RGS6: variants seen among roughly 807,000 people sequenced by gnomAD.
RGS6 encodes the protein regulator of G-protein signaling 6.
In RGS6, 30 loss-of-function variants were observed where a neutral mutation model predicts 78.5. The ratio of observed to expected loss-of-function variants is 0.38; its 90% confidence interval spans 0.29 to 0.52. The LOEUF (loss-of-function observed/expected upper bound fraction) is 0.52, where lower values mean the gene tolerates loss of function less well. RGS6 is among the 20% of genes least tolerant of loss of function. The probability of loss-of-function intolerance (pLI) is 0.85; values close to 1 mark genes in which losing one functional copy is unlikely to be tolerated. For missense variants in RGS6, 495 were observed against 609.7 expected, an observed-to-expected ratio of 0.81 and a Z score of 1.98; for synonymous variants, 206 against 206.0, an observed-to-expected ratio of 1.00 and a Z score of 0.00.
intron 12 of RGS6, among the ~76,000 whole-genome samples, chr14:72,493,667 C>A (rs1209077441): frequency 6.6e-6 from 1 of 151,590 alleles, no homozygotes; most frequent in Non-Finnish European, 1.5e-5. Flanking sequence ...AACACTCTAG[C>A]AATAAAGAGA....
At chr14:72,358,334 C>T (rs1193860475) in intron 3 of RGS6, among the ~76,000 whole-genome samples, 1 of 152,208 alleles carries the variant, frequency 6.6e-6, no homozygotes, top group Non-Finnish European at 1.5e-5. Flanking sequence ...GTCCTCCAGA[C>T]TCCAGAATGG....
intron 2 of RGS6, among the ~76,000 whole-genome samples, chr14:72,021,277 C>T (rs1378352375): frequency 6.6e-6 from 1 of 152,064 alleles, no homozygotes; most frequent in African/African-American, 2.4e-5. Flanking sequence ...TACTTTATTT[C>T]TGAATTCCTG....
the RGS6 span, among the ~76,000 whole-genome samples, chr14:71,919,063 A>G: frequency 6.6e-6 from 1 of 152,126 alleles, no homozygotes; most frequent in Non-Finnish European, 1.5e-5. Context: ...GTAAACAGAA[A>G]AGAGAAAAGA....
intron 2 of RGS6, among the ~76,000 whole-genome samples, chr14:72,201,792 C>A (rs147033782): frequency 0.018 from 2,775 of 152,234 alleles, 31 homozygotes; most frequent in African/African-American, 0.029. Context: ...AATGCCCACT[C>A]ATTTACATAA....
intron 2 of RGS6, among the ~76,000 whole-genome samples, chr14:72,032,823 A>G (rs2091115398): frequency 6.6e-6 from 1 of 152,166 alleles, no homozygotes; most frequent in South Asian, 2.1e-4. Flanking sequence ...TATTGCATAT[A>G]TATATGTATA....
chr14:71,912,355 T>G, the RGS6 span, among the ~76,000 whole-genome samples: 1 of 152,188 alleles, frequency 6.6e-6, no homozygotes, highest in African/African-American at 2.4e-5. Flanking sequence ...TTCAATTGGT[T>G]GGGCTTAGGA....
the RGS6 span, among the ~76,000 whole-genome samples, chr14:71,887,865 C>A: frequency 6.6e-6 from 1 of 152,002 alleles, no homozygotes; most frequent in Non-Finnish European, 1.5e-5. Flanking sequence ...TTTGTTAGAC[C>A]CTTACTAGTA....
chr14:72,204,132 C>T (rs2153743769), intron 2 of RGS6, among the ~76,000 whole-genome samples: 1 of 152,238 alleles, frequency 6.6e-6, no homozygotes, highest in East Asian at 1.9e-4. Context: ...CCTATTGTAA[C>T]CACTTTTAGG....
intron 17 of RGS6, 101 bp downstream of exon 17, chr14:72,540,195 G>C (rs2097305370): frequency 1.3e-6 from 2 of 1,507,878 alleles, no homozygotes; most frequent in Non-Finnish European, 1.8e-6. Context: ...GTTTCCTTTG[G>C]GGTGGGAGGG....
intron 2 of RGS6, among the ~76,000 whole-genome samples, chr14:72,123,515 C>A (rs901169366): frequency 6.6e-6 from 1 of 152,146 alleles, no homozygotes; most frequent in Non-Finnish European, 1.5e-5. Context: ...GGGGACCAAA[C>A]ACAGCATGGT....
At chr14:72,096,546 A>G (rs1174521692) in intron 2 of RGS6, among the ~76,000 whole-genome samples, 1 of 152,098 alleles carries the variant, frequency 6.6e-6, no homozygotes, top group Non-Finnish European at 1.5e-5. Context: ...TGTTCTGGTT[A>G]TGTCTTGCTG....
intron 2 of RGS6, among the ~76,000 whole-genome samples, chr14:72,106,976 C>G (rs1027719615): frequency 6.6e-6 from 1 of 151,884 alleles, no homozygotes; most frequent in African/African-American, 2.4e-5. Flanking sequence ...GTCTAGTTCT[C>G]ACTGTATTTT....
intron 2 of RGS6, among the ~76,000 whole-genome samples, chr14:72,040,506 T>G (rs1432413566): frequency 6.6e-6 from 1 of 152,160 alleles, no homozygotes. Flanking sequence ...TTCATGTACA[T>G]GATGACTTAC....
intron 2 of RGS6, among the ~76,000 whole-genome samples, chr14:71,979,730 A>G (rs2094346818): frequency 6.6e-6 from 1 of 152,160 alleles, no homozygotes; most frequent in Admixed American, 6.5e-5. Flanking sequence ...AAAAAAATGT[A>G]TATTCTGTTG....
chr14:71,890,527 T>C, the RGS6 span, among the ~76,000 whole-genome samples: 1 of 152,204 alleles, frequency 6.6e-6, no homozygotes, highest in Non-Finnish European at 1.5e-5. Flanking sequence ...TCCAACCCAC[T>C]CTTCCAAAGG....
chr14:71,945,694 G>A (rs895269414), intron 1 of RGS6, among the ~76,000 whole-genome samples: 1 of 152,186 alleles, frequency 6.6e-6, no homozygotes, highest in Non-Finnish European at 1.5e-5. Context: ...GATGATGAAT[G>A]GCACCTGACC....
intron 2 of RGS6, among the ~76,000 whole-genome samples, chr14:72,000,285 C>T (rs189658255): frequency 2.0e-5 from 3 of 152,190 alleles, no homozygotes; most frequent in African/African-American, 7.2e-5. Flanking sequence ...ATTCATGGGA[C>T]AGGGCAACTT....
intron 2 of RGS6, among the ~76,000 whole-genome samples, chr14:72,090,652 G>A (rs2095238709): frequency 6.6e-6 from 1 of 152,192 alleles, no homozygotes; most frequent in African/African-American, 2.4e-5. Flanking sequence ...CAAAAAGGTT[G>A]GAGACTGCTT....
intron 3 of RGS6, among the ~76,000 whole-genome samples, chr14:72,438,673 C>T (rs1201705748): frequency 6.6e-6 from 1 of 152,236 alleles, no homozygotes; most frequent in Admixed American, 6.5e-5. Flanking sequence ...CACCATATCA[C>T]CTGTGCCCAA....
Sources: gnomAD v4.1 joint callset for allele counts (sites outside exome capture counted in the v4.1 genomes callset) on GRCh38, gnomAD v4.1.1 for gene constraint, MANE v1.5 for transcripts, NCBI Gene and HGNC (gene_info 2026-07-23, HGNC 2026-07-21) for gene names.